The following NPAS3 variants were observed in gnomAD, a reference collection of about 807,000 sequenced individuals.
The protein encoded by NPAS3 is neuronal PAS domain protein 3.
NPAS3 carries 14 observed loss-of-function variants against 73.1 expected under a neutral mutation model. The observed-to-expected ratio is 0.19, with a 90% confidence interval of 0.13 to 0.30. NPAS3 has a LOEUF of 0.30. Among genes scored for constraint, NPAS3 ranks in the 10% least tolerant of loss-of-function variants. NPAS3 has a pLI of 1.00. For missense variants in NPAS3, 1,096 were observed against 1,250.0 expected (o/e 0.88, Z 1.86); for synonymous variants, 620 against 541.5 (o/e 1.14, Z -2.01).
chr14:33,536,499 A>G (rs992150413), intron 4 of NPAS3, among the ~76,000 whole-genome samples: 5 of 152,140 alleles, frequency 3.3e-5, no homozygotes, highest in Admixed American at 2.0e-4. Flanking sequence ...ATAACACTGG[A>G]GTCAGAACTA....
intron 2 of NPAS3, among the ~76,000 whole-genome samples, chr14:33,084,263 G>C (rs2041951222): frequency 6.6e-6 from 1 of 152,188 alleles, no homozygotes; most frequent in African/African-American, 2.4e-5. Flanking sequence ...AATTCATGAA[G>C]TACATAGCTA....
rs114614991 is a variant in NPAS3 at position 33,654,056 on chromosome 14, G to C, written c.559-22155G>C. Among the ~76,000 whole-genome samples, 1,423 of 152,232 alleles carry C rather than the reference G, an allele frequency of 9.3e-3. 27 individuals are homozygous for C. Among genetic ancestry groups the C allele is most frequent in the African/African-American group, 0.033 (1,359 of 41,534 alleles). On this transcript the variant is annotated intron_variant, in intron 5 of 11. Transcript: ENST00000356141. The stretch of plus-strand genomic sequence containing the variant: ...CAGCAGTGAGTAAATTTTCTACATA[G>C]TAATGCATCTGCTTGCTTAATTATC...
intron 1 of NPAS3, among the ~76,000 whole-genome samples, chr14:33,005,966 G>T (rs2139606600): frequency 6.6e-6 from 1 of 152,278 alleles, no homozygotes; most frequent in South Asian, 2.1e-4. Flanking sequence ...AAACTTGGAA[G>T]CATGTAACTC....
chr14:33,088,475 G>C (rs2383442), intron 2 of NPAS3, among the ~76,000 whole-genome samples: 51,556 of 152,142 alleles, frequency 0.34, 9,058 homozygotes, highest in African/African-American at 0.45. Context: ...TGCAAGGCAG[G>C]AGTGAGGCTG....
At chr14:33,099,431 C>T (rs999796245) in intron 2 of NPAS3, among the ~76,000 whole-genome samples, 10 of 151,998 alleles carry the variant, frequency 6.6e-5, no homozygotes, top group Non-Finnish European at 1.5e-4. Flanking sequence ...CTATGAATCT[C>T]AGGTTCAGAA....
At chr14:33,738,364 C>A (rs2061575413) in intron 7 of NPAS3, among the ~76,000 whole-genome samples, 1 of 152,140 alleles carries the variant, frequency 6.6e-6, no homozygotes, top group South Asian at 2.1e-4. Context: ...CTGACCTCAA[C>A]ATATGAAAAA....
chr14:33,255,615 C>G (rs942710520), intron 3 of NPAS3, among the ~76,000 whole-genome samples: 10 of 152,090 alleles, frequency 6.6e-5, no homozygotes, highest in Non-Finnish European at 1.5e-4. Context: ...GGCCAGCTCT[C>G]TCATCCAATG....
intron 1 of NPAS3, among the ~76,000 whole-genome samples, chr14:32,976,300 G>A (rs1284146905): frequency 6.6e-6 from 1 of 152,146 alleles, no homozygotes; most frequent in African/African-American, 2.4e-5. Context: ...TCTGAAATCT[G>A]AGGTCTCTGA....
At chr14:33,482,757 C>A (rs1253012319) in intron 4 of NPAS3, among the ~76,000 whole-genome samples, 1 of 152,104 alleles carries the variant, frequency 6.6e-6, no homozygotes, top group East Asian at 1.9e-4. Flanking sequence ...CCAACCTTCA[C>A]CCCACTGCTT....
intron 5 of NPAS3, among the ~76,000 whole-genome samples, chr14:33,605,916 A>G (rs972433628): frequency 2.6e-5 from 4 of 152,152 alleles, no homozygotes; most frequent in Non-Finnish European, 5.9e-5. Context: ...AGCCAAAACA[A>G]TTTAGAAAAG....
In NPAS3 at chr14:33,707,973, C is replaced by T. The variant is rs527954585; in HGVS notation, c.734-27241C>T. ...TGAAGTTGTGTCCTAGATGTGGGAA[C>T]GTGGAAGAAAGCCACAGTAGAAATT... On this transcript the variant is annotated intron_variant, in intron 6 of 11. Coordinates refer to ENST00000356141, the Ensembl canonical transcript of NPAS3. Among the ~76,000 whole-genome samples the T allele has an allele frequency of 5.9e-5, 9 of 152,202 alleles. No individual in the cohort carries two copies. The East Asian group carries it at 7.7e-4, about 13-fold the overall frequency.
At chr14:33,547,581 T>C (rs923627008) in intron 4 of NPAS3, among the ~76,000 whole-genome samples, 2 of 152,134 alleles carry the variant, frequency 1.3e-5, no homozygotes, top group Non-Finnish European at 2.9e-5. Flanking sequence ...CCTGCAGCCA[T>C]CAGCCCCTCT....
At chr14:33,582,571 TATGCACTATTTAATA>T in intron 5 of NPAS3, among the ~76,000 whole-genome samples, 1 of 152,324 alleles carries the variant, frequency 6.6e-6, no homozygotes, top group South Asian at 2.1e-4. Flanking sequence ...AGAGCAACAG[TATGCACTATTTAATA>T]GGTTGTTTTA....
chr14:33,219,051 T>C (rs114696160), intron 3 of NPAS3, among the ~76,000 whole-genome samples: 87 of 152,318 alleles, frequency 5.7e-4, no homozygotes, highest in African/African-American at 2.0e-3. Context: ...GTTGTTATAA[T>C]ACAGATCAAA....
chr14:33,575,736 T>A (rs1567020821), intron 5 of NPAS3, among the ~76,000 whole-genome samples: 1 of 152,232 alleles, frequency 6.6e-6, no homozygotes, highest in Non-Finnish European at 1.5e-5. Context: ...TTTTTAACAG[T>A]AAATGATTAT....
chr14:33,442,176 C>T (rs1473211316), intron 4 of NPAS3, among the ~76,000 whole-genome samples: 1 of 152,158 alleles, frequency 6.6e-6, no homozygotes, highest in African/African-American at 2.4e-5. Flanking sequence ...AAAAATTATA[C>T]TTGTATTAAC....
chr14:33,408,053 A>T (rs916984872), intron 4 of NPAS3, among the ~76,000 whole-genome samples: 1 of 152,172 alleles, frequency 6.6e-6, no homozygotes, highest in African/African-American at 2.4e-5. Flanking sequence ...GCAGACAGAA[A>T]ATATGAAATG....
In NPAS3 at chr14:33,367,254, A is replaced by G. The variant is rs1406087041; in HGVS notation, c.454A>G (p.Ser152Gly). 3.5e-6 allele frequency: 3 copies of G among 866,118 alleles called. No individual in the cohort carries two copies. In the African/African-American group the frequency reaches 4.9e-5, roughly 14 times the overall value. 53.7% of individuals were successfully genotyped at this position (866,118 alleles called of 1,614,324 possible). ...TGAAGTATTTGAAGCACATTTGGGA[A>G]GCCACATTTTGCAGGTACCTTTAAA... is the stretch of plus-strand genomic sequence containing the variant. Residue 152 changes from serine (S) to glycine (G), a missense_variant, in exon 4 of 12, where the codon AGC becomes GGC. This residue lies in a region of NPAS3 where 215 missense variants were observed against 260.0 expected (regional missense o/e 0.83). Transcript: ENST00000356141.
At chr14:33,694,183 C>T (rs1461520701) in intron 6 of NPAS3, among the ~76,000 whole-genome samples, 1 of 151,854 alleles carries the variant, frequency 6.6e-6, no homozygotes, top group East Asian at 1.9e-4. Flanking sequence ...CTGCAACCCC[C>T]TCGCCCCTTG....
Sources: gnomAD v4.1 joint callset for allele counts (sites outside exome capture counted in the v4.1 genomes callset) on GRCh38, gnomAD v4.1.1 for gene constraint, gnomAD v4.1.1 regional missense constraint, MANE v1.5 for transcripts, NCBI Gene and HGNC (gene_info 2026-07-23, HGNC 2026-07-21) for gene names.